The following GLIS3 variants were observed in gnomAD, a reference collection of about 807,000 sequenced individuals.
GLIS3 encodes the protein GLIS family zinc finger 3, also known as zinc finger protein GLIS3.
In GLIS3, 53 loss-of-function variants were observed where a neutral mutation model predicts 78.6. The observed-to-expected ratio is 0.67, with a 90% CI of 0.54 to 0.85. The LOEUF (loss-of-function observed/expected upper bound fraction) is 0.85, where lower values mean the gene tolerates loss of function less well. Among genes scored for constraint, GLIS3 ranks in the 40% least tolerant of loss-of-function variants. The pLI is 0.00. For missense variants in GLIS3, 1,703 were observed against 1,231.1 expected (o/e 1.38, Z -5.74); for synonymous variants, 684 against 509.9 (o/e 1.34, Z -4.60).
the GLIS3 span, among the ~76,000 whole-genome samples, chr9:4,416,247 G>GTTT: frequency 0.02 from 1,075 of 54,274 alleles, 70 homozygotes; most frequent in African/African-American, 0.092. Context: ...GTGAGACACT[G>GTTT]TTTTTAAAAA....
chr9:4,460,602 G>A, the GLIS3 span, among the ~76,000 whole-genome samples: 1 of 129,314 alleles, frequency 7.7e-6, no homozygotes, highest in South Asian at 2.5e-4. Flanking sequence ...AGAAAAATGT[G>A]CTGTTGACAT....
intron 2 of GLIS3, among the ~76,000 whole-genome samples, chr9:4,216,238 C>G (rs1054643361): frequency 4.6e-5 from 7 of 151,724 alleles, no homozygotes; most frequent in African/African-American, 1.5e-4. Flanking sequence ...TTTGGGAGGC[C>G]GAGGTGGGCA....
chr9:4,206,479 T>G (rs996210916), intron 2 of GLIS3, among the ~76,000 whole-genome samples: 4 of 152,122 alleles, frequency 2.6e-5, no homozygotes, highest in Admixed American at 1.3e-4. Context: ...TAGCAGAAAA[T>G]AGAGGCGTAG....
chr9:3,930,288 A>C (rs1276174474), intron 6 of GLIS3, among the ~76,000 whole-genome samples: 1 of 152,222 alleles, frequency 6.6e-6, no homozygotes, highest in Non-Finnish European at 1.5e-5. Context: ...TGAACATCAA[A>C]AGCTAAGCCA....
intron 4 of GLIS3, among the ~76,000 whole-genome samples, chr9:4,042,083 T>G (rs1317007381): frequency 6.6e-6 from 1 of 152,190 alleles, no homozygotes; most frequent in Admixed American, 6.5e-5. Context: ...CTCAATAAGA[T>G]TTCTGAATAG....
At chr9:3,936,066 T>C (rs1196339733) in intron 5 of GLIS3, among the ~76,000 whole-genome samples, 1 of 152,224 alleles carries the variant, frequency 6.6e-6, no homozygotes, top group Non-Finnish European at 1.5e-5. Flanking sequence ...AATAACAGTA[T>C]CTTTTCAAAA....
intron 4 of GLIS3, among the ~76,000 whole-genome samples, chr9:4,079,029 C>T (rs957089673): frequency 6.6e-6 from 1 of 152,172 alleles, no homozygotes; most frequent in African/African-American, 2.4e-5. Flanking sequence ...GAACCAAACT[C>T]TTCCAAGGTA....
the GLIS3 span, among the ~76,000 whole-genome samples, chr9:4,445,126 G>A: frequency 6.6e-6 from 1 of 152,214 alleles, no homozygotes; most frequent in African/African-American, 2.4e-5. Flanking sequence ...GCAATGAGGT[G>A]TGGGAGAGAA....
intron 4 of GLIS3, among the ~76,000 whole-genome samples, chr9:4,033,862 G>GGTA (rs1824069707): frequency 1.1e-4 from 1 of 9,254 alleles, no homozygotes; most frequent in Non-Finnish European, 2.7e-4. Context: ...ATAGGCGAAG[G>GGTA]ATAAAAAAAA....
intron 4 of GLIS3, among the ~76,000 whole-genome samples, chr9:4,057,002 C>T (rs1212643539): frequency 6.9e-6 from 1 of 144,678 alleles, no homozygotes; most frequent in Non-Finnish European, 1.5e-5. Context: ...CTAGAATTAT[C>T]TAGTGCATTA....
chr9:4,371,359 T>A, the GLIS3 span, among the ~76,000 whole-genome samples: 1 of 152,178 alleles, frequency 6.6e-6, no homozygotes, highest in Non-Finnish European at 1.5e-5. Context: ...CTCCACTTCT[T>A]CCACTGGATA....
intron 4 of GLIS3, among the ~76,000 whole-genome samples, chr9:4,022,463 T>C (rs1158681169): frequency 1.3e-5 from 2 of 152,220 alleles, no homozygotes; most frequent in Non-Finnish European, 2.9e-5. Flanking sequence ...CTTTCTAAAA[T>C]GCAAATATGT....
intron 2 of GLIS3, among the ~76,000 whole-genome samples, chr9:4,326,908 T>C (rs749519744): frequency 1.3e-5 from 2 of 152,180 alleles, no homozygotes; most frequent in Non-Finnish European, 2.9e-5. Flanking sequence ...GCAAGGTTTT[T>C]CCTTCTCACC....
At chr9:4,272,116 C>G (rs1826567937) in intron 2 of GLIS3, among the ~76,000 whole-genome samples, 1 of 152,150 alleles carries the variant, frequency 6.6e-6, no homozygotes, top group South Asian at 2.1e-4. Context: ...AAAAGTTAGC[C>G]ATTACTCTAT....
At chr9:3,858,578 T>G (rs1819946230) in intron 8 of GLIS3, among the ~76,000 whole-genome samples, 1 of 152,136 alleles carries the variant, frequency 6.6e-6, no homozygotes, top group Non-Finnish European at 1.5e-5. Flanking sequence ...AATAAATGAA[T>G]TTATACAATA....
chr9:4,342,003 T>C lies in GLIS3; in HGVS notation n.264+5078A>G, dbSNP rs150517728. ...CTTGTGGATTCTGGATATTAGACCT[T>C]TGTTGGATGCATACTTTGCAAATAT... On this transcript the variant is annotated intron_variant and non_coding_transcript_variant, in intron 2 of 4. Transcript: ENST00000471664. Among the ~76,000 whole-genome samples the C allele has an allele frequency of 4.0e-4, 61 of 152,344 alleles. 1 individual carries two copies. Among genetic ancestry groups the C allele is most frequent in the African/African-American group, 1.4e-3 (59 of 41,584 alleles).
chr9:4,399,052 T>C, the GLIS3 span, among the ~76,000 whole-genome samples: 2 of 152,196 alleles, frequency 1.3e-5, no homozygotes, highest in South Asian at 2.1e-4. Context: ...AGGGGTGAGA[T>C]AGACCATAAC....
chr9:4,034,307 A>G (rs1824127953), intron 4 of GLIS3, among the ~76,000 whole-genome samples: 1 of 152,176 alleles, frequency 6.6e-6, no homozygotes, highest in African/African-American at 2.4e-5. Flanking sequence ...AAACAGAAAA[A>G]AAAGTCTGTT....
intron 4 of GLIS3, among the ~76,000 whole-genome samples, chr9:4,051,238 C>T (rs1372126537): frequency 6.6e-6 from 1 of 152,244 alleles, no homozygotes; most frequent in East Asian, 1.9e-4. Flanking sequence ...CTTAACAAGA[C>T]ATTCAATTGC....
Sources: allele counts gnomAD v4.1 joint callset (sites outside exome capture counted in the v4.1 genomes callset), GRCh38; gene constraint gnomAD v4.1.1; transcripts MANE v1.5; gene names NCBI Gene and HGNC (gene_info 2026-07-23, HGNC 2026-07-21).